The following OSBPL9 variants were observed in gnomAD, a reference collection of about 807,000 sequenced individuals.
OSBPL9 encodes the protein oxysterol binding protein like 9, also known as oxysterol-binding protein-related protein 9.
A neutral mutation model predicts 106.6 loss-of-function variants in OSBPL9; 40 were observed. The observed-to-expected ratio is 0.38, with a 90% CI of 0.29 to 0.49. The LOEUF is 0.49. Among genes scored for constraint, OSBPL9 ranks in the 20% least tolerant of loss-of-function variants. The pLI is 0.97. For missense variants in OSBPL9, 609 were observed against 887.2 expected, an observed-to-expected ratio of 0.69 and a Z score of 3.98; for synonymous variants, 269 against 295.4, an observed-to-expected ratio of 0.91 and a Z score of 0.92.
chr1:51,553,771 C>T, the OSBPL9 span, among the ~76,000 whole-genome samples: 1 of 152,048 alleles, frequency 6.6e-6, no homozygotes, highest in South Asian at 2.1e-4. Context: ...CTCCGCCTCC[C>T]GTGTTCAAGC....
At chr1:51,777,025 TC>T (rs1675243338) in intron 15 of OSBPL9, 107 bp downstream of exon 15, 7 of 871,528 alleles carry the variant, frequency 8.0e-6, no homozygotes, top group Non-Finnish European at 1.3e-5. Context: ...TTCAAACATT[TC>T]TGGGTATTCT....
At chr1:51,646,166 A>G (rs1368846160) in intron 1 of OSBPL9, among the ~76,000 whole-genome samples, 1 of 152,142 alleles carries the variant, frequency 6.6e-6, no homozygotes, top group Non-Finnish European at 1.5e-5. Flanking sequence ...GGGAGTTAGG[A>G]TTTTGATAGG....
At chr1:51,625,564 A>G (rs1644719064) in intron 1 of OSBPL9, among the ~76,000 whole-genome samples, 1 of 151,152 alleles carries the variant, frequency 6.6e-6, no homozygotes, top group African/African-American at 2.4e-5. Flanking sequence ...TCTGTCATCC[A>G]GGCTGGAGTG....
intron 2 of OSBPL9, among the ~76,000 whole-genome samples, chr1:51,602,329 T>TCCTG (rs1645328550): frequency 6.6e-6 from 1 of 151,612 alleles, no homozygotes; most frequent in African/African-American, 2.4e-5. Context: ...AATTCTTCCA[T>TCCTG]CCTGCCTCTA....
chr1:51,565,082 G>A, the OSBPL9 span, among the ~76,000 whole-genome samples: 16 of 152,216 alleles, frequency 1.1e-4, no homozygotes, highest in East Asian at 3.1e-3. Context: ...CTCCCTACAC[G>A]TGGCTAGGCA....
intron 12 of OSBPL9, among the ~76,000 whole-genome samples, chr1:51,769,699 T>C (rs1467103411): frequency 6.6e-6 from 1 of 152,228 alleles, no homozygotes; most frequent in Non-Finnish European, 1.5e-5. Context: ...GTTTTCTTTA[T>C]ATCATTTGTT....
intron 2 of OSBPL9, among the ~76,000 whole-genome samples, chr1:51,655,986 A>G (rs572914565): frequency 6.6e-6 from 1 of 152,348 alleles, no homozygotes; most frequent in African/African-American, 2.4e-5. Context: ...AAATATCTTG[A>G]GGGTTTGTTT....
chr1:51,657,820 G>A (rs1557649838), intron 2 of OSBPL9, among the ~76,000 whole-genome samples: 1 of 152,132 alleles, frequency 6.6e-6, no homozygotes, highest in Non-Finnish European at 1.5e-5. Flanking sequence ...AGTGTGGCCC[G>A]GGCTTGGTGG....
At chr1:51,593,174 C>T (rs1330018608) in intron 1 of OSBPL9, among the ~76,000 whole-genome samples, 1 of 151,948 alleles carries the variant, frequency 6.6e-6, no homozygotes, top group Non-Finnish European at 1.5e-5. Flanking sequence ...TACTTTTCAC[C>T]ATGAAGAGGG....
chr1:51,656,795 G>A (rs1646846982), intron 2 of OSBPL9, among the ~76,000 whole-genome samples: 1 of 151,780 alleles, frequency 6.6e-6, no homozygotes, highest in Non-Finnish European at 1.5e-5. Context: ...GAGTAGCTAG[G>A]ACTACAGGTG....
rs1443666156 is a variant in OSBPL9, at chr1:51,669,530, A to G, written c.241+18A>G. The G allele has an allele frequency of 2.5e-6, 4 of 1,607,580 alleles. No homozygotes were observed. The highest frequency in any genetic ancestry group is 3.4e-6 in the Non-Finnish European group (4 of 1,174,500). On this transcript the variant is annotated intron_variant, in intron 3 of 23. Transcript: ENST00000428468. ...TTTCCAGGGTGAGCTGAAAGAAGAG[A>G]TTCTTTCTCTTCATAGTCCCATCTG...
chr1:51,567,970 A>G, the OSBPL9 span: 1 of 152,284 alleles, frequency 6.6e-6, no homozygotes, highest in Non-Finnish European at 1.5e-5. Flanking sequence ...AGATGGCACA[A>G]TCAAATTTGG....
the OSBPL9 span, among the ~76,000 whole-genome samples, chr1:51,533,714 G>A: frequency 6.6e-6 from 1 of 152,002 alleles, no homozygotes. Flanking sequence ...TCAGAAAACA[G>A]AGGTTGGAGT....
At chr1:51,750,295 A>T (rs879836948) in intron 8 of OSBPL9, 100 bp downstream of exon 8, 2 of 718,038 alleles carry the variant, frequency 2.8e-6, no homozygotes, top group East Asian at 5.6e-5. Context: ...GAAACATAGT[A>T]CCTTTCTACA....
At chr1:51,602,015 GTTCT>G (rs1645326955) in intron 2 of OSBPL9, among the ~76,000 whole-genome samples, 1 of 16,318 alleles carries the variant, frequency 6.1e-5, no homozygotes, top group Non-Finnish European at 1.3e-4. Flanking sequence ...CATTCTTGGG[GTTCT>G]TTTTTTTTTT....
the OSBPL9 span, among the ~76,000 whole-genome samples, chr1:51,563,358 T>C: frequency 6.6e-6 from 1 of 152,200 alleles, no homozygotes; most frequent in Non-Finnish European, 1.5e-5. Context: ...CACATTCCTG[T>C]GACTGGCTGC....
intron 3 of OSBPL9, among the ~76,000 whole-genome samples, chr1:51,672,916 A>T (rs531350647): frequency 1.1e-4 from 16 of 152,232 alleles, no homozygotes; most frequent in Non-Finnish European, 1.9e-4. Flanking sequence ...GCAAATGGAG[A>T]TGTCAAGTAG....
intron 1 of OSBPL9, among the ~76,000 whole-genome samples, chr1:51,581,943 ATCT>A (rs1645223421): frequency 6.6e-6 from 1 of 152,146 alleles, no homozygotes; most frequent in Non-Finnish European, 1.5e-5. Flanking sequence ...CTCAAGGCTC[ATCT>A]TGTATGTTCT....
At chr1:51,763,579 T>C (rs1198594264) in intron 11 of OSBPL9, among the ~76,000 whole-genome samples, 1 of 152,182 alleles carries the variant, frequency 6.6e-6, no homozygotes, top group Non-Finnish European at 1.5e-5. Context: ...TGTGTAATGA[T>C]GAATAATTAC....
Sources: gnomAD v4.1 joint callset for allele counts (sites outside exome capture counted in the v4.1 genomes callset) on GRCh38, gnomAD v4.1.1 for gene constraint, MANE v1.5 for transcripts, NCBI Gene and HGNC (gene_info 2026-07-23, HGNC 2026-07-21) for gene names.